The following CNTNAP5 variants were observed in gnomAD, a reference collection of about 807,000 sequenced individuals.
CNTNAP5 encodes contactin-associated protein-like 5.
In CNTNAP5, 72 loss-of-function variants were observed where a neutral mutation model predicts 150.2. The ratio of observed to expected loss-of-function variants is 0.48; its 90% confidence interval spans 0.40 to 0.58. The LOEUF (loss-of-function observed/expected upper bound fraction) is 0.58, where lower values mean the gene tolerates loss of function less well. Ranked by LOEUF, CNTNAP5 falls within the 20% of genes least tolerant of loss-of-function variation. The probability of loss-of-function intolerance (pLI) is 0.00; values close to 1 mark genes in which losing one functional copy is unlikely to be tolerated. For synonymous variants in CNTNAP5, 672 were observed against 619.8 expected (o/e 1.08, Z -1.25); for missense variants, 1,636 against 1,626.2 (o/e 1.01, Z -0.10).
chr2:124,850,520 C>T (rs1683133228), intron 19 of CNTNAP5, among the ~76,000 whole-genome samples: 1 of 152,116 alleles, frequency 6.6e-6, no homozygotes, highest in East Asian at 1.9e-4. Flanking sequence ...CCCCTTGAAC[C>T]ATTAGAGGAC....
At chr2:124,786,352 G>GAAGA (rs1207108942) in intron 17 of CNTNAP5, among the ~76,000 whole-genome samples, 1,245 of 59,046 alleles carry the variant, frequency 0.021, 87 homozygotes, top group East Asian at 0.053. Context: ...AGAAAGAAAG[G>GAAGA]AAGAAAGAAA....
At chr2:124,719,957 C>T (rs74591041) in intron 13 of CNTNAP5, among the ~76,000 whole-genome samples, 2,282 of 152,072 alleles carry the variant, frequency 0.015, 45 homozygotes, top group African/African-American at 0.047. Flanking sequence ...AGATGATTTC[C>T]GTGGGGAAAG....
intron 11 of CNTNAP5, among the ~76,000 whole-genome samples, chr2:124,585,308 C>T (rs536503816): frequency 2.6e-5 from 4 of 152,204 alleles, no homozygotes; most frequent in East Asian, 1.9e-4. Context: ...AAGTGGGGCA[C>T]GTGTCTCACT....
chr2:124,311,260 T>C (rs1158357988), intron 3 of CNTNAP5, among the ~76,000 whole-genome samples: 1 of 152,152 alleles, frequency 6.6e-6, no homozygotes, highest in East Asian at 1.9e-4. Flanking sequence ...CAATAGAAAT[T>C]TATATTCTTA....
chr2:124,736,306 A>G (rs1240728681), intron 13 of CNTNAP5, among the ~76,000 whole-genome samples: 1 of 152,184 alleles, frequency 6.6e-6, no homozygotes, highest in African/African-American at 2.4e-5. Flanking sequence ...TCCACTAAAT[A>G]GCCATTTTTC....
At chr2:124,460,478 T>C (rs774429491) in intron 6 of CNTNAP5, among the ~76,000 whole-genome samples, 114 of 152,194 alleles carry the variant, frequency 7.5e-4, no homozygotes, top group Non-Finnish European at 1.0e-3. Context: ...TTAAATATAC[T>C]TATTTTTTAA....
At position 124,567,856 on chromosome 2, in the gene CNTNAP5, GATAGATAGAT is replaced by G. The variant is rs199538688; in HGVS notation, c.1756+4535_1756+4544del. ...TAGATGATAGATAGATAGATAGATA[GATAGATAGAT>G]AGATAGATAGATAGATATAGATAGA... On this transcript the variant is annotated intron_variant, in intron 11 of 23. Transcript: ENST00000682447. Among the ~76,000 whole-genome samples the G allele has an allele frequency of 0.03, 3,399 of 112,464 alleles. 68 individuals are homozygous for G. The East Asian group carries it at 0.4, about 13-fold the overall frequency. 73.8% of individuals were successfully genotyped at this position (112,464 alleles called of 152,430 possible). A position where few individuals can be genotyped will look rare whatever the true frequency, so the allele number is the denominator to read the frequency against.
At chr2:124,413,495 T>C (rs1235990498) in intron 3 of CNTNAP5, among the ~76,000 whole-genome samples, 1 of 133,232 alleles carries the variant, frequency 7.5e-6, no homozygotes, top group African/African-American at 2.9e-5. Context: ...TGTCCAACAA[T>C]GATAGACTGG....
intron 17 of CNTNAP5, among the ~76,000 whole-genome samples, chr2:124,774,691 T>C (rs1477948083): frequency 1.3e-5 from 2 of 152,216 alleles, no homozygotes; most frequent in African/African-American, 4.8e-5. Flanking sequence ...GTTTCACAAT[T>C]TTCATAAATT....
chr2:124,494,245 C>A (rs1694099362), intron 7 of CNTNAP5, among the ~76,000 whole-genome samples: 1 of 151,890 alleles, frequency 6.6e-6, no homozygotes, highest in African/African-American at 2.4e-5. Flanking sequence ...ACCAGGGAAG[C>A]CAATAGTGTA....
chr2:124,076,990 A>T (rs548079845), intron 1 of CNTNAP5, among the ~76,000 whole-genome samples: 1 of 152,310 alleles, frequency 6.6e-6, no homozygotes, highest in South Asian at 2.1e-4. Flanking sequence ...TAACATAAAG[A>T]AAAGCTTGAA....
intron 13 of CNTNAP5, among the ~76,000 whole-genome samples, chr2:124,676,547 A>G (rs1485776521): frequency 6.6e-6 from 1 of 152,218 alleles, no homozygotes. Flanking sequence ...CCATGGACTG[A>G]TATCTGAGTG....
chr2:124,829,297 A>G (rs1012141358), intron 19 of CNTNAP5, among the ~76,000 whole-genome samples: 1 of 152,128 alleles, frequency 6.6e-6, no homozygotes, highest in African/African-American at 2.4e-5. Flanking sequence ...TCATAAATCA[A>G]CTGTCTGGTT....
At chr2:124,460,790 G>A (rs929255628) in intron 6 of CNTNAP5, among the ~76,000 whole-genome samples, 1 of 152,106 alleles carries the variant, frequency 6.6e-6, no homozygotes, top group Non-Finnish European at 1.5e-5. Flanking sequence ...TCTAATAACA[G>A]ACCTGATTTG....
At chr2:124,271,479 G>A (rs1242253804) in intron 3 of CNTNAP5, among the ~76,000 whole-genome samples, 1 of 152,124 alleles carries the variant, frequency 6.6e-6, no homozygotes, top group East Asian at 1.9e-4. Flanking sequence ...GTAACAGGAT[G>A]AATGTGTGGT....
intron 13 of CNTNAP5, among the ~76,000 whole-genome samples, chr2:124,734,418 C>T (rs1680338969): frequency 6.6e-6 from 1 of 152,026 alleles, no homozygotes; most frequent in African/African-American, 2.4e-5. Context: ...AGAAATCTAA[C>T]TGAACCTCAC....
chr2:124,611,500 C>T (rs1458137673), intron 12 of CNTNAP5, among the ~76,000 whole-genome samples: 1 of 152,158 alleles, frequency 6.6e-6, no homozygotes, highest in Non-Finnish European at 1.5e-5. Flanking sequence ...AGAAATTGTG[C>T]TCCTGTTGTC....
chr2:124,084,808 T>G (rs996368969), intron 1 of CNTNAP5, among the ~76,000 whole-genome samples: 1 of 151,976 alleles, frequency 6.6e-6, no homozygotes, highest in Non-Finnish European at 1.5e-5. Context: ...CCAGAAGAGA[T>G]AGTTTAGAAT....
chr2:124,361,962 C>T (rs1429707457), intron 3 of CNTNAP5, among the ~76,000 whole-genome samples: 1 of 152,206 alleles, frequency 6.6e-6, no homozygotes, highest in Non-Finnish European at 1.5e-5. Flanking sequence ...ATCAGCGAGA[C>T]TTCGTGGGCG....
Sources: allele counts gnomAD v4.1 joint callset (sites outside exome capture counted in the v4.1 genomes callset), GRCh38; gene constraint gnomAD v4.1.1; transcripts MANE v1.5; gene names NCBI Gene and HGNC (gene_info 2026-07-23, HGNC 2026-07-21).